L3MBTL4: variants seen among roughly 807,000 people sequenced by gnomAD.
L3MBTL4 encodes the protein L3MBTL histone methyl-lysine binding protein 4, also known as lethal(3)malignant brain tumor-like protein 4.
L3MBTL4 carries 70 observed loss-of-function variants against 84.5 expected under a neutral mutation model. The observed-to-expected ratio is 0.83, with a 90% CI of 0.68 to 1.01. The LOEUF (loss-of-function observed/expected upper bound fraction) is 1.01, where lower values mean the gene tolerates loss of function less well. Ranked by LOEUF, L3MBTL4 falls within the 50% of genes least tolerant of loss-of-function variation. L3MBTL4 has a pLI of 0.00. For synonymous variants in L3MBTL4, 274 were observed against 259.8 expected, an observed-to-expected ratio of 1.05 and a Z score of -0.52; for missense variants, 715 against 754.8, an observed-to-expected ratio of 0.95 and a Z score of 0.62.
At chr18:6,088,724 T>C (rs1032603221) in intron 15 of L3MBTL4, among the ~76,000 whole-genome samples, 9 of 152,130 alleles carry the variant, frequency 5.9e-5, no homozygotes, top group Non-Finnish European at 1.2e-4. Context: ...CCAACTAACA[T>C]TGTTATAATT....
intron 4 of L3MBTL4, among the ~76,000 whole-genome samples, chr18:6,277,974 C>G (rs1397691402): frequency 6.6e-6 from 1 of 151,860 alleles, no homozygotes; most frequent in Admixed American, 6.6e-5. Context: ...AGTGGAGGAA[C>G]CATACCTATG....
At chr18:6,371,553 C>A (rs956960646) in intron 1 of L3MBTL4, among the ~76,000 whole-genome samples, 1 of 152,158 alleles carries the variant, frequency 6.6e-6, no homozygotes, top group African/African-American at 2.4e-5. Flanking sequence ...AATCATCCTC[C>A]AAAATTTCAC....
intron 16 of L3MBTL4, among the ~76,000 whole-genome samples, chr18:5,986,271 T>C (rs1031013829): frequency 1.3e-5 from 2 of 152,220 alleles, no homozygotes; most frequent in African/African-American, 2.4e-5. Context: ...TCTTGTGAGA[T>C]ATTATACCAT....
At chr18:6,360,801 G>T (rs755069898) in intron 1 of L3MBTL4, among the ~76,000 whole-genome samples, 23 of 152,008 alleles carry the variant, frequency 1.5e-4, no homozygotes, top group Admixed American at 5.2e-4. Context: ...ACCAGCCTGA[G>T]TAACATACCA....
intron 1 of L3MBTL4, among the ~76,000 whole-genome samples, chr18:6,314,841 A>G (rs2051012853): frequency 6.6e-6 from 1 of 152,186 alleles, no homozygotes; most frequent in Non-Finnish European, 1.5e-5. Context: ...TTAACCACCA[A>G]TATAGTCACA....
chr18:6,136,731 T>G (rs920379227), intron 14 of L3MBTL4, among the ~76,000 whole-genome samples: 1 of 152,192 alleles, frequency 6.6e-6, no homozygotes, highest in African/African-American at 2.4e-5. Context: ...GGCCCTGTGC[T>G]TGGGTGTGCT....
At chr18:6,041,211 C>A (rs1318661814) in intron 16 of L3MBTL4, among the ~76,000 whole-genome samples, 1 of 152,226 alleles carries the variant, frequency 6.6e-6, no homozygotes, top group Non-Finnish European at 1.5e-5. Context: ...AGTGGTGGAA[C>A]CAGGAGATCC....
At chr18:6,312,701 C>A (rs1284274232) in intron 1 of L3MBTL4, among the ~76,000 whole-genome samples, 1 of 152,176 alleles carries the variant, frequency 6.6e-6, no homozygotes, top group African/African-American at 2.4e-5. Context: ...CTAGGAGTTT[C>A]CATCATTTCA....
intron 16 of L3MBTL4, among the ~76,000 whole-genome samples, chr18:6,012,248 G>T (rs921922552): frequency 1.3e-5 from 2 of 152,128 alleles, no homozygotes; most frequent in African/African-American, 4.8e-5. Flanking sequence ...GTTATCCTAA[G>T]AGCTGTCAGG....
At chr18:6,103,450 T>A (rs1049964075) in intron 14 of L3MBTL4, among the ~76,000 whole-genome samples, 2 of 152,204 alleles carry the variant, frequency 1.3e-5, no homozygotes, top group Non-Finnish European at 2.9e-5. Flanking sequence ...TCCTCTTTTT[T>A]AAAAAAATGC....
intron 12 of L3MBTL4, among the ~76,000 whole-genome samples, chr18:6,208,648 T>A (rs2145743167): frequency 6.6e-6 from 1 of 152,328 alleles, no homozygotes; most frequent in East Asian, 1.9e-4. Context: ...CCTAAAAGCA[T>A]CCACCCATCT....
intron 18 of L3MBTL4, among the ~76,000 whole-genome samples, chr18:5,958,720 G>C (rs2095246905): frequency 1.3e-5 from 2 of 152,078 alleles, no homozygotes; most frequent in African/African-American, 4.8e-5. Flanking sequence ...CCCCTACTTT[G>C]GGACAAGAAC....
At chr18:6,386,673 G>A (rs1487293083) in intron 1 of L3MBTL4, among the ~76,000 whole-genome samples, 5 of 152,118 alleles carry the variant, frequency 3.3e-5, no homozygotes, top group Non-Finnish European at 5.9e-5. Flanking sequence ...TTCCCAGTAA[G>A]GAGAAGTGTA....
rs140275303 is a variant in L3MBTL4 at position 6,244,452 on chromosome 18, A to G, written c.324+32T>C. On this transcript the variant is annotated intron_variant, in intron 6 of 18. Transcript: ENST00000317931. ...GAAAATTATCTTTCTGTCACTAGGC[A>G]ATTAGCCCAAGACAGTAACACCACC... is the stretch of plus-strand genomic sequence containing the variant. 2.9e-3 allele frequency: 3,884 copies of G among 1,330,872 alleles called. 97 individuals carry two copies. The African/African-American group carries it at 0.05, about 17-fold the overall frequency. 82.4% of individuals were successfully genotyped at this position (1,330,872 alleles called of 1,614,324 possible).
intron 16 of L3MBTL4, among the ~76,000 whole-genome samples, chr18:6,074,933 C>A (rs902851892): frequency 5.3e-5 from 8 of 151,800 alleles, no homozygotes; most frequent in African/African-American, 1.9e-4. Context: ...GCAGAAAAAG[C>A]ATTTGATAAA....
At chr18:5,996,831 A>G (rs1197746426) in intron 16 of L3MBTL4, among the ~76,000 whole-genome samples, 1 of 152,186 alleles carries the variant, frequency 6.6e-6, no homozygotes, top group Admixed American at 6.5e-5. Flanking sequence ...CTATTTAGAT[A>G]CTAAATTAAT....
chr18:6,240,893 G>A lies in L3MBTL4; in HGVS notation c.552+465C>T, dbSNP rs768817968. Among the ~76,000 whole-genome samples, 133 of 152,278 alleles carry A rather than the reference G, an allele frequency of 8.7e-4. 1 individual carries two copies. The highest frequency in any genetic ancestry group is 1.2e-3 in the South Asian group (6 of 4,826). On this transcript the variant is annotated intron_variant, in intron 8 of 18. Transcript: ENST00000317931. The stretch of plus-strand genomic sequence containing the variant: ...GGTTCACTAGATTTCTGGGGACACG[G>A]ATGGCATAAGAAGTGTGATCTACCC...
chr18:6,326,453 G>C (rs1362383468), intron 1 of L3MBTL4: 1 of 152,290 alleles, frequency 6.6e-6, no homozygotes, highest in Non-Finnish European at 1.5e-5. Flanking sequence ...CTTCTTGCTA[G>C]AGTCTCTGTC....
At chr18:6,130,455 C>T (rs2144515025) in intron 14 of L3MBTL4, among the ~76,000 whole-genome samples, 1 of 152,286 alleles carries the variant, frequency 6.6e-6, no homozygotes, top group South Asian at 2.1e-4. Context: ...CCCCCAACTT[C>T]TGAGCAGTAA....
Sources: allele counts gnomAD v4.1 joint callset (sites outside exome capture counted in the v4.1 genomes callset), GRCh38; gene constraint gnomAD v4.1.1; transcripts MANE v1.5; gene names NCBI Gene and HGNC (gene_info 2026-07-23, HGNC 2026-07-21).